FER1L5: variants seen among roughly 807,000 people sequenced by gnomAD.
The protein encoded by FER1L5 is fer-1-like protein 5.
In FER1L5, 187 loss-of-function variants were observed where a neutral mutation model predicts 279.9. That is an observed-to-expected ratio of 0.67 (90% confidence interval 0.59 to 0.75). The LOEUF (loss-of-function observed/expected upper bound fraction) is 0.75, where lower values mean the gene tolerates loss of function less well. Among genes scored for constraint, FER1L5 ranks in the 30% least tolerant of loss-of-function variants. The pLI, the probability that FER1L5 is intolerant of heterozygous loss-of-function variation, is 0.00. For missense variants in FER1L5, 2,091 were observed against 2,594.4 expected, an observed-to-expected ratio of 0.81 and a Z score of 4.21; for synonymous variants, 921 against 989.7, an observed-to-expected ratio of 0.93 and a Z score of 1.30.
intron 34 of FER1L5, chr2:96,695,127 T>C: frequency 5.3e-6 from 1 of 188,950 alleles, no homozygotes. Flanking sequence ...ATCCAGGCAC[T>C]TCCTGCTTCT....
At chr2:96,650,626 A>G (rs1178128203) in intron 6 of FER1L5, among the ~76,000 whole-genome samples, 2 of 152,208 alleles carry the variant, frequency 1.3e-5, no homozygotes, top group Non-Finnish European at 2.9e-5. Flanking sequence ...GGCACAGGCA[A>G]AGTTAAATTA....
At position 96,695,504 on chromosome 2, in the gene FER1L5, G is replaced by A; in HGVS notation, c.3742-5G>A. ...TTGTCCTGCCCTCCTTCTTTGTTCT[G>A]GTAGATCCTGGCCTGGGGCCTTCGG... is the stretch of plus-strand genomic sequence containing the variant. On this transcript the variant is annotated splice_polypyrimidine_tract_variant and splice_region_variant and intron_variant, in intron 34 of 52. Coordinates refer to ENST00000624922, the MANE Select transcript of FER1L5 (RefSeq NM_001293083.2). 5 of 1,579,498 alleles carry A rather than the reference G, an allele frequency of 3.2e-6. No homozygotes were observed. Among genetic ancestry groups the A allele is most frequent in the Non-Finnish European group, 4.3e-6 (5 of 1,164,710 alleles).
chr2:96,681,062 A>G (rs1176161898), intron 19 of FER1L5, among the ~76,000 whole-genome samples: 1 of 152,208 alleles, frequency 6.6e-6, no homozygotes, highest in Admixed American at 6.5e-5. Context: ...ATTAAAAATC[A>G]TATGGTGTAT....
In FER1L5 at chr2:96,670,111, TG is replaced by T. The variant is rs1473539975; in HGVS notation, c.1363-7del. ...CCCTTTTCTCCGTTTTCCTCTCGCT[TG>T]CCCTAGTGTATTCCCGACTCTGTTA... On this transcript the variant is annotated splice_polypyrimidine_tract_variant and splice_region_variant and intron_variant, in intron 17 of 52. Coordinates refer to ENST00000624922, the MANE Select transcript of FER1L5 (RefSeq NM_001293083.2). The T allele has an allele frequency of 6.4e-7, 1 of 1,551,606 alleles. No homozygotes were observed. The highest frequency in any genetic ancestry group is 8.7e-7 in the Non-Finnish European group (1 of 1,146,930).
In FER1L5 at chr2:96,662,253, C is replaced by A; in HGVS notation, c.1057C>A (p.Leu353Ile). The A allele has an allele frequency of 6.4e-7, 1 of 1,551,504 alleles. No homozygotes were observed. The highest frequency in any genetic ancestry group is 2.4e-5 in the East Asian group (1 of 40,914). ...QSVNPQLEVE[L>I]IGEKLRTHMQ... ...AGTGAATCCTCAGTTGGAGGTGGAA[C>A]TAATTGGGGAAAAGGTAAGTGTAGA... Residue 353 changes from leucine to isoleucine, a missense_variant, in exon 13 of 53, where the codon CTA (leucine) becomes ATA (isoleucine). Transcript: ENST00000624922.
Position 96,704,774 on chromosome 2 carries a change from T to C in FER1L5, c.*82T>C. 3 of 1,044,150 alleles carry C rather than the reference T, an allele frequency of 2.9e-6. No homozygotes were observed. The highest frequency in any genetic ancestry group is 4.4e-6 in the Non-Finnish European group (3 of 686,652). The allele number at this position is 1,044,150 out of a possible 1,614,324, so 64.7% of individuals were successfully genotyped here. On this transcript the variant is annotated 3_prime_UTR_variant, in exon 53 of 53. Coordinates refer to ENST00000624922, the MANE Select transcript of FER1L5 (RefSeq NM_001293083.2). Reference sequence around the variant, plus strand: ...CTACCAGTTCTTTGTTTCTATCTTCTAGAATATATGCAAGATGCTAGGAAT... The same window carrying C: ...CTACCAGTTCTTTGTTTCTATCTTCCAGAATATATGCAAGATGCTAGGAAT...
At chr2:96,682,547 A>C (rs1330793544) in intron 19 of FER1L5, among the ~76,000 whole-genome samples, 1 of 152,218 alleles carries the variant, frequency 6.6e-6, no homozygotes, top group Non-Finnish European at 1.5e-5. Flanking sequence ...GACTATGTAC[A>C]CTGGTTCTCA....
rs1407617362 is a variant in FER1L5 at position 96,702,748 on chromosome 2, G to A, written c.5397+7G>A. 1.2e-6 allele frequency: 2 copies of A among 1,612,322 alleles called. No individual in the cohort carries two copies. The highest frequency in any genetic ancestry group is 1.7e-6 in the Non-Finnish European group (2 of 1,179,416). On this transcript the variant is annotated splice_region_variant and intron_variant, in intron 48 of 52. Coordinates refer to ENST00000624922, the MANE Select transcript of FER1L5 (RefSeq NM_001293083.2). This position sits in a 1 kb window ranked among gnomAD's most constrained non-coding sequence, Gnocchi z 4.0. ...GTGTGTCCAGAGCCAGAAGGTAACA[G>A]GCCTGGGGCGTGAGGGGCAACAGGC...
Position 96,669,027 on chromosome 2 carries a change from C to G in FER1L5, c.1268-16C>G. ...CTCGTCCTGCGCCCGACCCTTCTCACTCTCTCTCCTTCCAGGAGTGTACTC... is the reference window on the plus strand; with the variant it reads ...CTCGTCCTGCGCCCGACCCTTCTCAGTCTCTCTCCTTCCAGGAGTGTACTC... On this transcript the variant is annotated splice_polypyrimidine_tract_variant and intron_variant, in intron 16 of 52. Coordinates refer to ENST00000624922, the MANE Select transcript of FER1L5 (RefSeq NM_001293083.2). 1 of 1,551,598 alleles carries G rather than the reference C, an allele frequency of 6.4e-7. No individual in the cohort carries two copies. The highest frequency in any genetic ancestry group is 8.7e-7 in the Non-Finnish European group (1 of 1,146,896).
chr2:96,663,560 G>A (rs2076025308), intron 14 of FER1L5, 53 bp downstream of exon 14: 1 of 1,539,384 alleles, frequency 6.5e-7, no homozygotes, highest in Non-Finnish European at 8.8e-7. Flanking sequence ...AACATAGAAG[G>A]GAAGTTTGGA....
At chr2:96,652,214 G>A (rs1017782008) in intron 7 of FER1L5, 194 bp downstream of exon 7, 27 of 714,258 alleles carry the variant, frequency 3.8e-5, no homozygotes, top group Non-Finnish European at 5.4e-5. Flanking sequence ...TGAGGAGCTG[G>A]TGGGCTGGTG....
In FER1L5 at chr2:96,677,796, C is replaced by T. The variant is rs181389866; in HGVS notation, c.1669+4542C>T. On this transcript the variant is annotated intron_variant, in intron 19 of 52. Coordinates refer to ENST00000624922, the MANE Select transcript of FER1L5 (RefSeq NM_001293083.2). ...AGGAGAATTGCTTGAACCCAGGAGG[C>T]GGAGGTTGCAGTGAGCTGAGATCAC... Among the ~76,000 whole-genome samples, 70 of 150,020 alleles carry T rather than the reference C, an allele frequency of 4.7e-4. 1 individual carries two copies. In the East Asian group the frequency reaches 9.3e-3, roughly 20 times the overall value.
chr2:96,674,693 T>C (rs13405293), intron 19 of FER1L5, among the ~76,000 whole-genome samples: 1,593 of 152,090 alleles, frequency 0.01, 33 homozygotes, highest in African/African-American at 0.036. Flanking sequence ...TAAAGAAGAA[T>C]AATAAAATGA....
At chr2:96,693,771 G>C (rs2077249810) in intron 32 of FER1L5, 84 bp downstream of exon 32, 21 of 1,491,326 alleles carry the variant, frequency 1.4e-5, no homozygotes, top group Non-Finnish European at 1.7e-5. Flanking sequence ...AAAATGTATG[G>C]AAAGTGCTCC....
In FER1L5 at chr2:96,702,436, T is replaced by C; in HGVS notation, c.5255+35T>C. 6.3e-7 allele frequency: 1 copy of C among 1,585,586 alleles called. No homozygotes were observed. Among genetic ancestry groups the C allele is most frequent in the Non-Finnish European group, 8.6e-7 (1 of 1,166,484 alleles). On this transcript the variant is annotated intron_variant, in intron 47 of 52. Transcript: ENST00000624922. The surrounding 1 kb of genome is among the most constrained non-coding windows in gnomAD (Gnocchi z 4.0). ...AGGAGTCAGGCTCCGGCAGAGCCCC[T>C]CAGTTCCCCAGTTCTGTCATCCTGC...
intron 12 of FER1L5, 100 bp from the exon 13 acceptor site, chr2:96,662,115 T>C (rs1573830709): frequency 7.9e-7 from 1 of 1,262,328 alleles, no homozygotes; most frequent in Non-Finnish European, 1.1e-6. Context: ...GGCACCCCTC[T>C]AAATTATAGG....
chr2:96,689,313 C>T lies in FER1L5; in HGVS notation c.2462C>T (p.Thr821Met), dbSNP rs767948815. 4.5e-5 allele frequency: 70 copies of T among 1,550,102 alleles called. No individual in the cohort carries two copies. Among genetic ancestry groups the T allele is most frequent in the Admixed American group, 5.9e-5 (3 of 50,612 alleles). Residue 821 changes from threonine (T) to methionine (M), a missense_variant, in exon 25 of 53, where the codon ACG becomes ATG. Transcript: ENST00000624922. This position sits in a 1 kb window ranked among gnomAD's most constrained non-coding sequence, Gnocchi z 4.6. ...DVMGNKTLPMTDFQPPLGWHW... is the reference protein window; with the variant it reads ...DVMGNKTLPMMDFQPPLGWHW... ...ATGGGGAACAAGACCCTCCCCATGACGGATTTCCAACCACCCCTGGGATGG... is the reference window on the plus strand; with the variant it reads ...ATGGGGAACAAGACCCTCCCCATGATGGATTTCCAACCACCCCTGGGATGG...
In FER1L5 at chr2:96,659,358, C is replaced by CT. The variant is rs1558853573; in HGVS notation, c.748-981dup. Among the ~76,000 whole-genome samples the CT allele has an allele frequency of 1.9e-3, 116 of 60,600 alleles. 10 individuals carry two copies. In the Middle Eastern group the frequency reaches 0.043, roughly 23 times the overall value. 39.8% of individuals were successfully genotyped at this position (60,600 alleles called of 152,430 possible). A position where few individuals can be genotyped will look rare whatever the true frequency, so the allele number is the denominator to read the frequency against. On this transcript the variant is annotated intron_variant, in intron 9 of 52. Transcript: ENST00000624922. ...CCTTCCTTCCTTCCTTCCTTCCTTCCTTCCTTCTTTCTTTCTTTCTTTCTT... is the reference window on the plus strand; with the variant it reads ...CCTTCCTTCCTTCCTTCCTTCCTTCCTTTCCTTCTTTCTTTCTTTCTTTCTT...
intron 19 of FER1L5, among the ~76,000 whole-genome samples, chr2:96,679,803 C>A (rs549410996): frequency 3.3e-5 from 5 of 152,080 alleles, no homozygotes; most frequent in Non-Finnish European, 7.4e-5. Context: ...CATTTCATTT[C>A]GGTTACTTTT....
Sources: gnomAD v4.1 joint callset for allele counts (sites outside exome capture counted in the v4.1 genomes callset) on GRCh38, gnomAD v4.1.1 for gene constraint, Gnocchi (gnomAD v3.1) non-coding constraint, MANE v1.5 for transcripts, NCBI Gene and HGNC (gene_info 2026-07-23, HGNC 2026-07-21) for gene names.